The following DMD variants were observed in gnomAD, a reference collection of about 807,000 sequenced individuals.
DMD encodes the protein dystrophin.
In DMD, 63 loss-of-function variants were observed where a neutral mutation model predicts 330.1. The ratio of observed to expected loss-of-function variants is 0.19; its 90% CI spans 0.16 to 0.24. The LOEUF (loss-of-function observed/expected upper bound fraction) is 0.24, where lower values mean the gene tolerates loss of function less well. Ranked by LOEUF, DMD falls within the 10% of genes least tolerant of loss-of-function variation. The probability of loss-of-function intolerance (pLI) is 1.00; values close to 1 mark genes in which losing one functional copy is unlikely to be tolerated. For synonymous variants in DMD, 1,223 were observed against 959.8 expected (o/e 1.27, Z -5.07); for missense variants, 3,344 against 2,684.1 (o/e 1.25, Z -5.43).
At chrX:33,176,963 G>A (rs2049701793) in intron 1 of DMD, among the ~76,000 whole-genome samples, 1 of 111,609 alleles carries the variant, frequency 9.0e-6, no homozygotes, top group Non-Finnish European at 1.9e-5. Context: ...AAGAGAAAGT[G>A]CTCAAAAGAG....
chrX:31,796,595 T>C (rs1462546216), intron 50 of DMD, among the ~76,000 whole-genome samples: 1 of 112,167 alleles, frequency 8.9e-6, no homozygotes, highest in African/African-American at 3.2e-5. Context: ...ATCATTGGCA[T>C]AGTTTCAGTA....
At chrX:31,380,616 A>C (rs1175205496) in intron 60 of DMD, among the ~76,000 whole-genome samples, 1 of 111,594 alleles carries the variant, frequency 9.0e-6, no homozygotes, top group African/African-American at 3.3e-5. Context: ...AAAGCAGACA[A>C]GGTTTACAGG....
intron 30 of DMD, among the ~76,000 whole-genome samples, chrX:32,402,128 T>G (rs2098089322): frequency 8.9e-6 from 1 of 111,886 alleles, no homozygotes; most frequent in African/African-American, 3.2e-5. Context: ...GATATTACTA[T>G]GTAAGATCTT....
chrX:31,684,631 G>A (rs1179294785), intron 52 of DMD, among the ~76,000 whole-genome samples: 2 of 111,997 alleles, frequency 1.8e-5, no homozygotes, highest in African/African-American at 6.5e-5. Context: ...TTCTAAAAGA[G>A]AAAACCCATT....
chrX:31,566,040 A>T, intron 55 of DMD, among the ~76,000 whole-genome samples: 1 of 111,312 alleles, frequency 9.0e-6, no homozygotes, highest in East Asian at 2.8e-4. Flanking sequence ...ATGGCTTGAA[A>T]ATATTTTCTA....
chrX:32,379,700 G>T (rs887267939), intron 34 of DMD, among the ~76,000 whole-genome samples: 10 of 111,045 alleles, frequency 9.0e-5, no homozygotes, highest in African/African-American at 2.9e-4. Flanking sequence ...TTTACATAAG[G>T]TATTGAAAAT....
At chrX:32,273,311 G>C (rs2097372335) in intron 43 of DMD, among the ~76,000 whole-genome samples, 1 of 109,393 alleles carries the variant, frequency 9.1e-6, no homozygotes, top group Non-Finnish European at 1.9e-5. Flanking sequence ...CAAAACAGGA[G>C]CCGGGTGCAG....
At chrX:31,180,694 A>G (rs957612419) in intron 68 of DMD, among the ~76,000 whole-genome samples, 4 of 111,644 alleles carry the variant, frequency 3.6e-5, no homozygotes, top group African/African-American at 1.3e-4. Flanking sequence ...TATCCTATAA[A>G]CATATGGAAG....
intron 1 of DMD, among the ~76,000 whole-genome samples, chrX:33,302,934 C>A (rs774074317): frequency 8.9e-6 from 1 of 111,881 alleles, no homozygotes; most frequent in Admixed American, 9.6e-5. Context: ...CGTATTCATA[C>A]ATTTCCCTCA....
Position 32,844,863 on chromosome X carries a change from GAGAACA to G in DMD, c.187-9_187-4del. On this transcript the variant is annotated splice_polypyrimidine_tract_variant and splice_region_variant and intron_variant, in intron 3 of 78. Transcript: ENST00000357033. ...CTTGTGGATCCTTTTTCTTTTGGCT[GAGAACA>G]AAACAAAAGAGTGTTCACTGACCAG... 8.3e-7 allele frequency: 1 copy of G among 1,204,616 alleles called. No homozygotes were observed. The highest frequency in any genetic ancestry group is 1.1e-6 in the Non-Finnish European group (1 of 889,285).
intron 44 of DMD, among the ~76,000 whole-genome samples, chrX:32,055,930 T>C (rs1361379721): frequency 2.7e-5 from 3 of 111,127 alleles, no homozygotes; most frequent in Non-Finnish European, 3.8e-5. Context: ...TCTTTCTTTT[T>C]CTCCAACCCT....
At position 31,119,680 on chromosome X, in the gene DMD, A is replaced by AAACTT. The variant is rs1057515854; in HGVS notation, c.*2234_*2238dup. ...TCTATTTACCTCTGATTTTAGAATG[A>AAACTT]AACTTACTTACTTAAACTTCTTAGT... On this transcript the variant is annotated 3_prime_UTR_variant, in exon 79 of 79. Coordinates refer to ENST00000357033, the MANE Select transcript of DMD (RefSeq NM_004006.3). The AAACTT allele has an allele frequency of 1.7e-4, 19 of 111,662 alleles. No individual in the cohort carries two copies. The highest frequency in any genetic ancestry group is 4.5e-4 in the African/African-American group (14 of 30,850). The allele number at this position is 111,662 out of a possible 1,213,427, so 9.2% of individuals were successfully genotyped here. A position where few individuals can be genotyped will look rare whatever the true frequency, so the allele number is the denominator to read the frequency against.
intron 43 of DMD, among the ~76,000 whole-genome samples, chrX:32,223,437 T>C (rs1297304690): frequency 4.5e-5 from 5 of 111,995 alleles, no homozygotes; most frequent in Non-Finnish European, 9.4e-5. Context: ...ATTCAAACTA[T>C]AGCAAATTTT....
intron 1 of DMD, among the ~76,000 whole-genome samples, chrX:33,293,250 T>C (rs2053540198): frequency 9.0e-6 from 1 of 111,619 alleles, no homozygotes; most frequent in African/African-American, 3.3e-5. Flanking sequence ...GACTCTTGCA[T>C]TCATTGAGAT....
chrX:32,200,348 A>C (rs2097028753), intron 44 of DMD, among the ~76,000 whole-genome samples: 1 of 112,214 alleles, frequency 8.9e-6, no homozygotes, highest in Admixed American at 9.4e-5. Context: ...TTTGTAAAGC[A>C]AAAATAACAA....
chrX:31,677,582 T>C (rs1035300625), intron 53 of DMD, among the ~76,000 whole-genome samples: 1 of 112,257 alleles, frequency 8.9e-6, no homozygotes, highest in African/African-American at 3.2e-5. Context: ...ATATATTACA[T>C]AGTCAGACCA....
At chrX:31,376,306 A>T (rs1184633847) in intron 60 of DMD, among the ~76,000 whole-genome samples, 2 of 112,382 alleles carry the variant, frequency 1.8e-5, no homozygotes, top group South Asian at 3.7e-4. Flanking sequence ...AAAATAAGGG[A>T]TTGAGATCAG....
intron 43 of DMD, among the ~76,000 whole-genome samples, chrX:32,217,829 A>T (rs907338806): frequency 3.6e-5 from 4 of 111,817 alleles, no homozygotes; most frequent in Non-Finnish European, 5.6e-5. Context: ...TAAATCAATA[A>T]TTCGTCACTA....
chrX:31,166,776 T>C (rs1021647671), intron 74 of DMD, among the ~76,000 whole-genome samples: 1 of 111,256 alleles, frequency 9.0e-6, no homozygotes, highest in Non-Finnish European at 1.9e-5. Context: ...TGTGGAGACA[T>C]TTCTTTGGAA....
Sources: gnomAD v4.1 joint callset for allele counts (sites outside exome capture counted in the v4.1 genomes callset) on GRCh38, gnomAD v4.1.1 for gene constraint, MANE v1.5 for transcripts, NCBI Gene and HGNC (gene_info 2026-07-23, HGNC 2026-07-21) for gene names.